Variants in PURG observed in about 807,000 individuals in gnomAD.
PURG encodes purine rich element binding protein G, also known as purine-rich element-binding protein gamma.
In PURG, 3 loss-of-function variants were observed where a neutral mutation model predicts 24.3. That is an observed-to-expected ratio of 0.12 (90% CI 0.06 to 0.32). PURG has a LOEUF of 0.32. Among genes scored for constraint, PURG ranks in the 10% least tolerant of loss-of-function variants. The probability of loss-of-function intolerance (pLI) is 1.00; values close to 1 mark genes in which losing one functional copy is unlikely to be tolerated. For missense variants in PURG, 371 were observed against 439.1 expected (o/e 0.84, Z 1.39); for synonymous variants, 180 against 173.1 (o/e 1.04, Z -0.31).
chr8:31,025,677 T>C (rs921483172), intron 1 of PURG, among the ~76,000 whole-genome samples: 15 of 151,856 alleles, frequency 9.9e-5, no homozygotes, highest in African/African-American at 3.4e-4. Flanking sequence ...TGGTGGTCAA[T>C]AGAAAAGTCA....
downstream of PURG, among the ~76,000 whole-genome samples, chr8:31,025,861 T>C (rs75488917): frequency 1.5e-3 from 221 of 152,086 alleles, 1 homozygote; most frequent in African/African-American, 4.5e-3. Context: ...ACAGTTTAGC[T>C]GTACTTGTAA....
rs1319521632 is a variant in PURG at position 31,032,422 on chromosome 8, C to G, written c.361G>C (p.Asp121His). Residue 121 changes from aspartate (D) to histidine (H), a missense_variant, in exon 2 of 2, where the codon GAC (aspartate) becomes CAC (histidine). This residue lies in a region of PURG where 213 missense variants were observed against 230.6 expected (regional missense o/e 0.92). Coordinates refer to ENST00000523392, the MANE Select transcript of PURG (RefSeq NM_001323311.2). This position sits in a 1 kb window ranked among gnomAD's most constrained non-coding sequence, Gnocchi z 5.9. ...VAAELKDCLG[D>H]FIEHYAHLGL... ...AGGTGGGCATAGTGCTCGATGAAGT[C>G]CCCTAGACAGTCCTTCAGCTCCGCT... 1 of 1,614,058 alleles carries G rather than the reference C, an allele frequency of 6.2e-7. No homozygotes were observed. Among genetic ancestry groups the G allele is most frequent in the East Asian group, 2.2e-5 (1 of 44,866 alleles).
intron 1 of PURG, among the ~76,000 whole-genome samples, chr8:31,003,369 T>C (rs554489114): frequency 1.4e-5 from 2 of 145,910 alleles, no homozygotes; most frequent in Admixed American, 7.2e-5. Context: ...CTATATTTCT[T>C]ATTTCTTTTG....
At chr8:31,008,478 A>AT (rs1810700282) in intron 1 of PURG, among the ~76,000 whole-genome samples, 1 of 151,924 alleles carries the variant, frequency 6.6e-6, no homozygotes, top group Non-Finnish European at 1.5e-5. Context: ...TAATTTTTGT[A>AT]TTTTTAGTAA....
chr8:31,008,594 A>G (rs77260350), intron 1 of PURG, among the ~76,000 whole-genome samples: 16,302 of 152,206 alleles, frequency 0.11, 2,481 homozygotes, highest in African/African-American at 0.34. Context: ...GAGCCACTGC[A>G]CCTGGTTGCA....
At chr8:31,015,441 T>C (rs1016351100) in intron 1 of PURG, among the ~76,000 whole-genome samples, 3 of 152,104 alleles carry the variant, frequency 2.0e-5, no homozygotes, top group Non-Finnish European at 4.4e-5. Context: ...CTACTCCTGA[T>C]AAATGATAGG....
intron 1 of PURG, among the ~76,000 whole-genome samples, chr8:31,023,747 G>C (rs531317908): frequency 2.6e-5 from 4 of 152,042 alleles, no homozygotes; most frequent in African/African-American, 9.7e-5. Flanking sequence ...ACAGTTCACA[G>C]GTCAGTATCC....
intron 1 of PURG, among the ~76,000 whole-genome samples, chr8:31,002,257 A>G (rs1337850140): frequency 1.3e-5 from 2 of 152,182 alleles, no homozygotes; most frequent in East Asian, 3.8e-4. Flanking sequence ...GTAAGACTTG[A>G]TGATGTTGAA....
chr8:31,030,272 T>C (rs1268936597), downstream of PURG, among the ~76,000 whole-genome samples: 3 of 152,084 alleles, frequency 2.0e-5, no homozygotes, highest in East Asian at 1.9e-4. Context: ...TATTTGGGGG[T>C]TGAAATCAGT....
rs779485500 is a variant in PURG at position 31,031,771 on chromosome 8, C to A, written c.1012G>T (p.Ala338Ser). The part of the protein sequence containing the change: ...HKEKRMDGRK[A>S]SGEEQECLD ...AGGCATTCTTGTTCTTCACCACTGG[C>A]CTTTCTGCCATCCATTCTCTTTTCT... Residue 338 changes from alanine to serine, a missense_variant, in exon 2 of 2, where the codon GCC (alanine) becomes TCC (serine). Physicochemically the swap from Ala to Ser is moderately conservative, Grantham distance 99 (BLOSUM62 1). Transcript: ENST00000523392. 5.8e-6 allele frequency: 9 copies of A among 1,551,656 alleles called. No homozygotes were observed. Among genetic ancestry groups the A allele is most frequent in the Middle Eastern group, 1.7e-4 (1 of 5,992 alleles).
At chr8:30,999,012 G>A (rs1219715692) in intron 1 of PURG, among the ~76,000 whole-genome samples, 1 of 151,770 alleles carries the variant, frequency 6.6e-6, no homozygotes, top group Non-Finnish European at 1.5e-5. Flanking sequence ...CTACCCATGG[G>A]TGCATGACAG....
At chr8:31,019,495 G>A (rs1265909938) in intron 1 of PURG, among the ~76,000 whole-genome samples, 2 of 150,808 alleles carry the variant, frequency 1.3e-5, no homozygotes, top group Non-Finnish European at 3.0e-5. Flanking sequence ...CAACACGCCT[G>A]GCTAATTTTT....
exon 2 of PURG, chr8:30,996,517 A>G (rs2725371): frequency 0.72 from 783,626 of 1,090,670 alleles, 284,963 homozygotes; most frequent in East Asian, 0.95. Context: ...CTGAGGCCTT[A>G]CATTCATGAT....
intron 1 of PURG, among the ~76,000 whole-genome samples, chr8:30,998,309 A>G (rs911229156): frequency 6.6e-6 from 1 of 151,806 alleles, no homozygotes; most frequent in African/African-American, 2.4e-5. Flanking sequence ...TTAACACATT[A>G]TACCATAAGA....
At chr8:31,023,660 TA>T (rs1034906065) in intron 1 of PURG, among the ~76,000 whole-genome samples, 1 of 151,720 alleles carries the variant, frequency 6.6e-6, no homozygotes, top group African/African-American at 2.4e-5. Flanking sequence ...TTCTTAAGGC[TA>T]AAAAAAACCC....
At chr8:31,029,413 G>A (rs1445571354), downstream of PURG, among the ~76,000 whole-genome samples, 1 of 151,526 alleles carries the variant, frequency 6.6e-6, no homozygotes, top group Non-Finnish European at 1.5e-5. Context: ...ATTTAATAAT[G>A]TTTATATACA....
chr8:30,999,769 A>C (rs1354324444), intron 1 of PURG, among the ~76,000 whole-genome samples: 1 of 152,004 alleles, frequency 6.6e-6, no homozygotes, highest in Non-Finnish European at 1.5e-5. Flanking sequence ...AAATATAATC[A>C]AGGAGATGAT....
At chr8:31,017,424 CTAT>C (rs1810895606) in intron 1 of PURG, among the ~76,000 whole-genome samples, 1 of 151,246 alleles carries the variant, frequency 6.6e-6, no homozygotes, top group Non-Finnish European at 1.5e-5. Flanking sequence ...ATATCTATAT[CTAT>C]ATCTATCTAT....
In PURG at chr8:31,033,121, ACCG is replaced by A; in HGVS notation, c.-53_-51del. Reference sequence around the variant, plus strand: ...GCCGCCGCCGATGCCCTTCACGACCACCGCCGCCGCCACCGCCAGCTCTCGGCC... The same window carrying A: ...GCCGCCGCCGATGCCCTTCACGACCACCGCCGCCACCGCCAGCTCTCGGCC... On this transcript the variant is annotated 5_prime_UTR_variant, in exon 1 of 2. Transcript: ENST00000523392. The A allele has an allele frequency of 5.5e-5, 11 of 199,234 alleles. No homozygotes were observed. The highest frequency in any genetic ancestry group is 1.8e-4 in the East Asian group (2 of 11,350). The allele number at this position is 199,234 out of a possible 1,614,324, so 12.3% of individuals were successfully genotyped here. A position where few individuals can be genotyped will look rare whatever the true frequency, so the allele number is the denominator to read the frequency against.
Sources: gnomAD v4.1 joint callset for allele counts (sites outside exome capture counted in the v4.1 genomes callset) on GRCh38, gnomAD v4.1.1 for gene constraint, gnomAD v4.1.1 regional missense constraint, Gnocchi (gnomAD v3.1) non-coding constraint, MANE v1.5 for transcripts, NCBI Gene and HGNC (gene_info 2026-07-23, HGNC 2026-07-21) for gene names.